Variants in FMNL3 observed in about 807,000 individuals in gnomAD.
FMNL3 encodes the protein formin like 3.
Under a neutral mutation model 119.6 loss-of-function variants are expected in FMNL3, and 57 were observed. That is an observed-to-expected ratio of 0.48 (90% CI 0.39 to 0.59). The LOEUF (loss-of-function observed/expected upper bound fraction) is 0.59. Among genes scored for constraint, FMNL3 ranks in the 20% least tolerant of loss-of-function variants. The pLI is 0.00. For missense variants in FMNL3, 1,053 were observed against 1,323.5 expected (o/e 0.80, Z 3.17); for synonymous variants, 491 against 507.3 (o/e 0.97, Z 0.43).
At chr12:49,687,044 C>T (rs1261268550) in intron 1 of FMNL3, among the ~76,000 whole-genome samples, 2 of 152,122 alleles carry the variant, frequency 1.3e-5, no homozygotes, top group Non-Finnish European at 2.9e-5. Flanking sequence ...ATAGCTCAAC[C>T]CCCAAAACTG....
intron 1 of FMNL3, among the ~76,000 whole-genome samples, chr12:49,690,545 G>A (rs1247855792): frequency 1.3e-5 from 2 of 151,946 alleles, no homozygotes; most frequent in African/African-American, 4.8e-5. Context: ...AGAGCACGTA[G>A]TAAATTTAAA....
chr12:49,656,703 G>T, intron 8 of FMNL3, 120 bp downstream of exon 8: 1 of 1,051,124 alleles, frequency 9.5e-7, no homozygotes, highest in Non-Finnish European at 1.4e-6. Context: ...CAGAGGAGGG[G>T]GCCAAACCAA....
chr12:49,651,934 T>C lies in FMNL3; in HGVS notation c.1602A>G (p.Pro534=). Residue 534 remains proline, a splice_region_variant and synonymous_variant, in exon 14 of 26, where the codon CCA becomes CCG. Transcript: ENST00000335154. ...GCTCCCAGGGGTCGTCGTGGTTACCTGGTAATGGGGGAGGTGGAGGGGGCA... is the reference window on the plus strand; with the variant it reads ...GCTCCCAGGGGTCGTCGTGGTTACCCGGTAATGGGGGAGGTGGAGGGGGCA... ...PPLPPPPPPL[P]DKCPPAPPLP... 1.3e-6 allele frequency: 2 copies of C among 1,583,490 alleles called. No individual in the cohort carries two copies. Among genetic ancestry groups the C allele is most frequent in the Non-Finnish European group, 1.7e-6 (2 of 1,161,750 alleles).
rs1044800687 is a variant in FMNL3 at position 49,688,428 on chromosome 12, A to G, written c.126+18627T>C. The G allele has an allele frequency of 2.4e-5, 11 of 455,892 alleles. No individual in the cohort carries two copies. In the Admixed American group the frequency reaches 2.6e-4, roughly 11 times the overall value. The allele number at this position is 455,892 out of a possible 1,614,324, so 28.2% of individuals were successfully genotyped here. On this transcript the variant is annotated intron_variant, in intron 1 of 25. Transcript: ENST00000335154. The stretch of plus-strand genomic sequence containing the variant: ...ACCAAGGCCAACAAGGTCCCACATA[A>G]TCTGGGCCCTGCTCACCTTTCCTAT...
In FMNL3 at chr12:49,642,789, G is replaced by A. The variant is rs1177804716; in HGVS notation, c.*3026C>T. The A allele has an allele frequency of 4.9e-6, 7 of 1,434,924 alleles. No homozygotes were observed. The highest frequency in any genetic ancestry group is 2.5e-5 in the East Asian group (1 of 40,376). 88.9% of individuals were successfully genotyped at this position (1,434,924 alleles called of 1,614,324 possible). On this transcript the variant is annotated 3_prime_UTR_variant, in exon 26 of 26. Coordinates refer to ENST00000335154, the MANE Select transcript of FMNL3 (RefSeq NM_175736.5). This position sits in a 1 kb window ranked among gnomAD's most constrained non-coding sequence, Gnocchi z 5.8. ...CTTAGGGCACTCCTGGCCAGCTAAG[G>A]AAGGGGAGGCCTGAGGATCCCTGGG...
At chr12:49,658,619 C>T (rs200979600) in intron 5 of FMNL3, 25 bp from the exon 6 acceptor site, 249 of 1,579,274 alleles carry the variant, frequency 1.6e-4, no homozygotes, top group African/African-American at 4.2e-4. Context: ...GACACACATG[C>T]GCATACACAG....
At chr12:49,678,189 C>T (rs1944243959) in intron 1 of FMNL3, among the ~76,000 whole-genome samples, 1 of 147,154 alleles carries the variant, frequency 6.8e-6, no homozygotes, top group East Asian at 2.0e-4. Flanking sequence ...GACGGAGTCT[C>T]ACTCTTTGCC....
At chr12:49,688,728 GAGGGACAGCAGCCCAGAC>G (rs1395859496) in intron 1 of FMNL3, 1 of 314,852 alleles carries the variant, frequency 3.2e-6, no homozygotes, top group Non-Finnish European at 6.3e-6. Flanking sequence ...AGAAAGGTGA[GAGGGACAGCAGCCCAGAC>G]TAACTCCAAG....
At chr12:49,654,114 TATAAA>T (rs1943494660) in intron 11 of FMNL3, 73 bp downstream of exon 11, 1 of 1,400,716 alleles carries the variant, frequency 7.1e-7, no homozygotes, top group African/African-American at 1.4e-5. Context: ...ATTAGGCACT[TATAAA>T]AGAAAAATCA....
In FMNL3 at chr12:49,645,701, G is replaced by A. The variant is rs1427649674; in HGVS notation, c.*114C>T. On this transcript the variant is annotated 3_prime_UTR_variant, in exon 26 of 26. Coordinates refer to ENST00000335154, the MANE Select transcript of FMNL3 (RefSeq NM_175736.5). ...AAGATCCAGCCTCAAGAGCTGGGGC[G>A]GACATGGTTGAGAGAGCAACACAGC... is the stretch of plus-strand genomic sequence containing the variant. The A allele has an allele frequency of 2.7e-5, 23 of 842,132 alleles. No homozygotes were observed. Among genetic ancestry groups the A allele is most frequent in the Middle Eastern group, 2.4e-4 (1 of 4,164 alleles). The allele number at this position is 842,132 out of a possible 1,614,324, so 52.2% of individuals were successfully genotyped here. A position where few individuals can be genotyped will look rare whatever the true frequency, so the allele number is the denominator to read the frequency against.
chr12:49,668,980 G>A (rs185930838), intron 1 of FMNL3, among the ~76,000 whole-genome samples: 275 of 152,280 alleles, frequency 1.8e-3, no homozygotes, highest in Middle Eastern at 6.8e-3. Flanking sequence ...AAACCCACCA[G>A]GTTAAAGCAG....
At chr12:49,700,927 A>G (rs1485886435) in intron 1 of FMNL3, among the ~76,000 whole-genome samples, 1 of 151,262 alleles carries the variant, frequency 6.6e-6, no homozygotes, top group Non-Finnish European at 1.5e-5. Flanking sequence ...AAATACAAAA[A>G]AATTAGCCAG....
chr12:49,659,671 C>T (rs1592655305), intron 5 of FMNL3: 1 of 738,662 alleles, frequency 1.4e-6, no homozygotes, highest in East Asian at 1.3e-4. Context: ...ATCTTGGCCT[C>T]CCAAAGCTCT....
intron 11 of FMNL3, 124 bp downstream of exon 11, chr12:49,654,068 C>G (rs1324623186): frequency 8.6e-7 from 1 of 1,168,688 alleles, no homozygotes; most frequent in Non-Finnish European, 1.2e-6. Context: ...GAGTCCCAGG[C>G]TACAGAAGAC....
chr12:49,653,090 C>T (rs1943456896), intron 13 of FMNL3, 136 bp downstream of exon 13: 8 of 796,824 alleles, frequency 1.0e-5, no homozygotes, highest in Admixed American at 2.2e-5. Flanking sequence ...ATCAGCCCAC[C>T]CACACCTGAG....
intron 1 of FMNL3, among the ~76,000 whole-genome samples, chr12:49,704,211 T>A (rs1944983131): frequency 6.6e-6 from 1 of 152,118 alleles, no homozygotes. Flanking sequence ...CAAACACTCT[T>A]CTAACCAAAG....
chr12:49,657,196 G>A lies in FMNL3; in HGVS notation c.606-6C>T, dbSNP rs1943598293. On this transcript the variant is annotated splice_region_variant and splice_polypyrimidine_tract_variant and intron_variant, in intron 6 of 25. Transcript: ENST00000335154. ...GCCCAGGGAGAGTGCTATACCTGGG[G>A]AGATGGGCCAGGCAGTCAGGTGGGA... 2 of 1,608,986 alleles carry A rather than the reference G, an allele frequency of 1.2e-6. No individual in the cohort carries two copies. The highest frequency in any genetic ancestry group is 1.1e-5 in the South Asian group (1 of 90,980).
intron 25 of FMNL3, chr12:49,646,497 G>C (rs1943193783): frequency 3.1e-6 from 2 of 650,194 alleles, no homozygotes; most frequent in Non-Finnish European, 5.2e-6. Context: ...AGAGCATGGG[G>C]CATGCAAGAA....
Position 49,647,444 on chromosome 12 carries a change from G to A in FMNL3, c.2779-76C>T. ...GGGGAGGGGCTGACACTGAGGTGGAGAGTGGGTGGCAGTGGGACCCGCTAA... is the reference window on the plus strand; with the variant it reads ...GGGGAGGGGCTGACACTGAGGTGGAAAGTGGGTGGCAGTGGGACCCGCTAA... On this transcript the variant is annotated intron_variant, in intron 23 of 25. Coordinates refer to ENST00000335154, the MANE Select transcript of FMNL3 (RefSeq NM_175736.5). The surrounding 1 kb of genome is among the most constrained non-coding windows in gnomAD (Gnocchi z 4.9). 3 of 1,505,254 alleles carry A rather than the reference G, an allele frequency of 2.0e-6. No homozygotes were observed. Among genetic ancestry groups the A allele is most frequent in the Non-Finnish European group, 2.7e-6 (3 of 1,091,822 alleles). The allele number at this position is 1,505,254 out of a possible 1,614,324, so 93.2% of individuals were successfully genotyped here.
Sources: allele counts gnomAD v4.1 joint callset (sites outside exome capture counted in the v4.1 genomes callset), GRCh38; gene constraint gnomAD v4.1.1; non-coding constraint Gnocchi (gnomAD v3.1); transcripts MANE v1.5; gene names NCBI Gene and HGNC (gene_info 2026-07-23, HGNC 2026-07-21).